The following CNTNAP5 variants were observed in gnomAD, a reference collection of about 807,000 sequenced individuals.
The protein encoded by CNTNAP5 is contactin associated protein family member 5.
CNTNAP5 carries 72 observed loss-of-function variants against 150.2 expected under a neutral mutation model. The observed-to-expected ratio is 0.48, with a 90% confidence interval of 0.40 to 0.58. The LOEUF (loss-of-function observed/expected upper bound fraction) is 0.58. CNTNAP5 is among the 20% of genes least tolerant of loss of function. The pLI, the probability that CNTNAP5 is intolerant of heterozygous loss-of-function variation, is 0.00. For missense variants in CNTNAP5, 1,636 were observed against 1,626.2 expected (o/e 1.01, Z -0.10); for synonymous variants, 672 against 619.8 (o/e 1.08, Z -1.25).
intron 13 of CNTNAP5, among the ~76,000 whole-genome samples, chr2:124,723,158 T>A (rs1388124300): frequency 6.6e-6 from 1 of 152,204 alleles, no homozygotes; most frequent in Non-Finnish European, 1.5e-5. Flanking sequence ...TTAATGTATC[T>A]CTTCCAATGA....
intron 9 of CNTNAP5, among the ~76,000 whole-genome samples, chr2:124,526,589 C>T (rs1694974282): frequency 1.3e-5 from 2 of 152,112 alleles, no homozygotes; most frequent in African/African-American, 2.4e-5. Context: ...AGTAGATATG[C>T]CCTGGTTGCA....
chr2:124,205,664 A>T (rs1344685963), intron 1 of CNTNAP5, among the ~76,000 whole-genome samples: 2 of 152,040 alleles, frequency 1.3e-5, no homozygotes, highest in East Asian at 3.9e-4. Context: ...CACCTCCCAA[A>T]ATGCTGGGAT....
At chr2:124,689,673 T>C (rs1448635834) in intron 13 of CNTNAP5, among the ~76,000 whole-genome samples, 1 of 152,090 alleles carries the variant, frequency 6.6e-6, no homozygotes, top group East Asian at 1.9e-4. Context: ...GGTGCGTGTG[T>C]GTGTTTGATT....
At chr2:124,048,422 T>C (rs1056330869) in intron 1 of CNTNAP5, among the ~76,000 whole-genome samples, 1 of 152,232 alleles carries the variant, frequency 6.6e-6, no homozygotes, top group Non-Finnish European at 1.5e-5. Flanking sequence ...CTCCATTTAG[T>C]AAGTGTCCAT....
intron 10 of CNTNAP5, among the ~76,000 whole-genome samples, chr2:124,549,181 T>C (rs1228882974): frequency 6.6e-6 from 1 of 152,224 alleles, no homozygotes; most frequent in East Asian, 1.9e-4. Flanking sequence ...ATCCAGGCAC[T>C]GCTGGTATCT....
intron 3 of CNTNAP5, among the ~76,000 whole-genome samples, chr2:124,380,915 G>C (rs1690778091): frequency 6.6e-6 from 1 of 152,134 alleles, no homozygotes; most frequent in Non-Finnish European, 1.5e-5. Context: ...AAAAAAGTAA[G>C]CTACTAGTTA....
chr2:124,745,810 C>A (rs1680592113), intron 13 of CNTNAP5, among the ~76,000 whole-genome samples: 1 of 152,134 alleles, frequency 6.6e-6, no homozygotes. Flanking sequence ...CCCTAAAATG[C>A]TGATGATTTT....
intron 2 of CNTNAP5, among the ~76,000 whole-genome samples, chr2:124,233,337 T>C (rs1454668257): frequency 6.6e-6 from 1 of 152,124 alleles, no homozygotes; most frequent in Non-Finnish European, 1.5e-5. Context: ...AAATGTAGAT[T>C]ATCTAGACTC....
chr2:124,057,872 C>A (rs999878447), intron 1 of CNTNAP5, among the ~76,000 whole-genome samples: 1 of 151,844 alleles, frequency 6.6e-6, no homozygotes, highest in Admixed American at 6.6e-5. Context: ...GGGCGGATAC[C>A]CCATTACCCC....
chr2:124,624,444 C>G (rs1165506544), intron 12 of CNTNAP5, among the ~76,000 whole-genome samples: 1 of 152,168 alleles, frequency 6.6e-6, no homozygotes, highest in African/African-American at 2.4e-5. Context: ...ATTATCTTCT[C>G]ATTTATGTAT....
rs552480462 is a variant in CNTNAP5 at position 124,691,891 on chromosome 2, G to T, written c.2077+43933G>T. 6.6e-5 allele frequency among the ~76,000 whole-genome samples: 10 copies of T among 152,152 alleles called. No homozygotes were observed. The South Asian group carries it at 1.5e-3, about 22-fold the overall frequency. On this transcript the variant is annotated intron_variant, in intron 13 of 23. Coordinates refer to ENST00000682447, the MANE Select transcript of CNTNAP5 (RefSeq NM_001367498.1). ...GCTCTTCTTATTAAGAGACAAAATC[G>T]TTTTCCTTCCCCATGAGCCTAGGCT...
At chr2:124,481,270 T>C (rs1156270220) in intron 7 of CNTNAP5, among the ~76,000 whole-genome samples, 1 of 152,112 alleles carries the variant, frequency 6.6e-6, no homozygotes, top group Admixed American at 6.6e-5. Context: ...AGGCCTTACC[T>C]CCTAATACCA....
chr2:124,215,615 C>A (rs1237130885), intron 1 of CNTNAP5, among the ~76,000 whole-genome samples: 1 of 147,228 alleles, frequency 6.8e-6, no homozygotes, highest in African/African-American at 2.5e-5. Context: ...CTCTTCTTAC[C>A]TTTTTTCTTT....
In CNTNAP5 at chr2:124,498,844, C is replaced by T. The variant is rs144937696; in HGVS notation, c.1063-5448C>T. ...GAATGATTCAGATGATCCCCAAATC[C>T]TCTCCAAAGACAAGACAGATGTTAA... On this transcript the variant is annotated intron_variant, in intron 7 of 23. Coordinates refer to ENST00000682447, the MANE Select transcript of CNTNAP5 (RefSeq NM_001367498.1). 6.6e-5 allele frequency among the ~76,000 whole-genome samples: 10 copies of T among 152,218 alleles called. No individual in the cohort carries two copies. In the East Asian group the frequency reaches 9.7e-4, roughly 15 times the overall value.
At chr2:124,827,683 G>GT (rs1232411031) in intron 19 of CNTNAP5, among the ~76,000 whole-genome samples, 1 of 152,090 alleles carries the variant, frequency 6.6e-6, no homozygotes, top group Non-Finnish European at 1.5e-5. Flanking sequence ...TTCAGTGTTT[G>GT]TTTCGTATAA....
chr2:124,250,673 G>A (rs999010083), intron 3 of CNTNAP5, among the ~76,000 whole-genome samples: 1 of 152,158 alleles, frequency 6.6e-6, no homozygotes, highest in Admixed American at 6.5e-5. Flanking sequence ...GCCTGGGGGA[G>A]TTACTGATGC....
Position 124,510,754 on chromosome 2 carries a change from A to G in CNTNAP5, c.1327+6198A>G, listed in dbSNP as rs527350750. On this transcript the variant is annotated intron_variant, in intron 8 of 23. Coordinates refer to ENST00000682447, the MANE Select transcript of CNTNAP5 (RefSeq NM_001367498.1). ...TCTAATTTTCCCCGTGCCCCATGAA[A>G]CAAGATTAGATCTCTCAGAATTCAA... Among the ~76,000 whole-genome samples the G allele has an allele frequency of 3.2e-4, 48 of 152,084 alleles. No homozygotes were observed. In the South Asian group the frequency reaches 9.8e-3, roughly 31 times the overall value.
intron 3 of CNTNAP5, among the ~76,000 whole-genome samples, chr2:124,388,706 T>G (rs1404856343): frequency 6.6e-6 from 1 of 152,150 alleles, no homozygotes; most frequent in East Asian, 1.9e-4. Context: ...TCTTTTCTTT[T>G]GTTTTTGAGA....
intron 1 of CNTNAP5, among the ~76,000 whole-genome samples, chr2:124,220,750 T>C (rs1212314513): frequency 6.6e-6 from 1 of 152,084 alleles, no homozygotes; most frequent in Non-Finnish European, 1.5e-5. Flanking sequence ...GAAAGCTTTT[T>C]TATTAAAGCT....
Sources: allele counts gnomAD v4.1 joint callset (sites outside exome capture counted in the v4.1 genomes callset), GRCh38; gene constraint gnomAD v4.1.1; transcripts MANE v1.5; gene names NCBI Gene and HGNC (gene_info 2026-07-23, HGNC 2026-07-21).